The following ZNRF3 variants were observed in gnomAD, a reference collection of about 807,000 sequenced individuals.
The protein encoded by ZNRF3 is zinc and ring finger 3.
Under a neutral mutation model 72.5 loss-of-function variants are expected in ZNRF3, and 23 were observed. That is an observed-to-expected ratio of 0.32 (90% CI 0.23 to 0.45). ZNRF3 has a LOEUF of 0.45. ZNRF3 is among the 20% of genes least tolerant of loss of function. The probability of loss-of-function intolerance (pLI) is 1.00; values close to 1 mark genes in which losing one functional copy is unlikely to be tolerated. For synonymous variants in ZNRF3, 610 were observed against 545.3 expected (o/e 1.12, Z -1.65); for missense variants, 1,169 against 1,272.1 (o/e 0.92, Z 1.23).
At chr22:28,997,902 G>A (rs564506393) in intron 2 of ZNRF3, among the ~76,000 whole-genome samples, 24 of 149,868 alleles carry the variant, frequency 1.6e-4, no homozygotes, top group East Asian at 2.0e-4. Context: ...TACTCAGAAG[G>A]TTAACATGGG....
intron 2 of ZNRF3, among the ~76,000 whole-genome samples, chr22:29,000,777 G>A (rs2036127598): frequency 6.6e-6 from 1 of 152,104 alleles, no homozygotes; most frequent in African/African-American, 2.4e-5. Flanking sequence ...AGGCAAAGGG[G>A]GAGCTGGTGT....
intron 2 of ZNRF3, among the ~76,000 whole-genome samples, chr22:28,994,080 C>G (rs184981685): frequency 4.5e-4 from 69 of 151,808 alleles, no homozygotes; most frequent in Non-Finnish European, 5.3e-4. Context: ...TGATCACATT[C>G]CTGGCACAAC....
chr22:29,043,346 G>A lies in ZNRF3; in HGVS notation c.549G>A (p.Val183=). The change falls in exon 4 of 9, where the codon GTG becomes GTA. Residue 183 remains valine, a synonymous_variant. Transcript: ENST00000544604. ...CGCTCAAGAGGCCGGTGGTGTATGTGAAGGGTGCAGATGCCATTAAGCTGA... is the reference window on the plus strand; with the variant it reads ...CGCTCAAGAGGCCGGTGGTGTATGTAAAGGGTGCAGATGCCATTAAGCTGA... ...EDPLKRPVVY[V]KGADAIKLMN... is the part of the protein sequence containing the mutation. 1 of 1,614,038 alleles carries A rather than the reference G, an allele frequency of 6.2e-7. No individual in the cohort carries two copies. The highest frequency in any genetic ancestry group is 8.5e-7 in the Non-Finnish European group (1 of 1,180,022).
In ZNRF3 at chr22:28,987,211, A is replaced by C; in HGVS notation, c.426+10A>C. On this transcript the variant is annotated intron_variant, in intron 2 of 8. Transcript: ENST00000544604. ...CACTGTCCTAGGCAAGGTAAGCACCAGGCCCTTGGAATCACTGTGTTTCTG... is the reference window on the plus strand; with the variant it reads ...CACTGTCCTAGGCAAGGTAAGCACCCGGCCCTTGGAATCACTGTGTTTCTG... The C allele has an allele frequency of 6.2e-7, 1 of 1,604,696 alleles. No homozygotes were observed. Among genetic ancestry groups the C allele is most frequent in the Non-Finnish European group, 8.5e-7 (1 of 1,177,246 alleles).
At chr22:28,897,636 G>A (rs561880535) in intron 1 of ZNRF3, among the ~76,000 whole-genome samples, 1 of 152,196 alleles carries the variant, frequency 6.6e-6, no homozygotes, top group African/African-American at 2.4e-5. Flanking sequence ...TTTCCTTTTG[G>A]ATTGCCTGCT....
intron 1 of ZNRF3, among the ~76,000 whole-genome samples, chr22:28,981,954 G>A (rs924860315): frequency 3.9e-5 from 6 of 152,068 alleles, no homozygotes; most frequent in Admixed American, 2.0e-4. Context: ...CCGAGATCGC[G>A]CCACTGTGCT....
intron 1 of ZNRF3, among the ~76,000 whole-genome samples, chr22:28,885,511 C>G (rs1214340108): frequency 6.7e-6 from 1 of 149,644 alleles, no homozygotes; most frequent in African/African-American, 2.5e-5. Context: ...TTAAGTCTTG[C>G]TCCTTGGCAA....
intron 1 of ZNRF3, among the ~76,000 whole-genome samples, chr22:28,954,999 A>G (rs1050735767): frequency 5.3e-5 from 8 of 149,872 alleles, no homozygotes; most frequent in Non-Finnish European, 1.2e-4. Flanking sequence ...GGCTGATGGC[A>G]TCACAGGTTT....
intron 2 of ZNRF3, among the ~76,000 whole-genome samples, chr22:28,995,204 C>G (rs909189616): frequency 2.0e-4 from 30 of 152,214 alleles, no homozygotes; most frequent in African/African-American, 7.0e-4. Flanking sequence ...GAGGCTGAGG[C>G]GGGTGGATCA....
chr22:28,958,098 G>A (rs2035292885), intron 1 of ZNRF3, among the ~76,000 whole-genome samples: 1 of 152,208 alleles, frequency 6.6e-6, no homozygotes, highest in African/African-American at 2.4e-5. Flanking sequence ...TGAGGCAGGA[G>A]AATGGCGTGA....
At chr22:29,031,865 C>G (rs181179226) in intron 2 of ZNRF3, among the ~76,000 whole-genome samples, 1 of 152,334 alleles carries the variant, frequency 6.6e-6, no homozygotes, top group Non-Finnish European at 1.5e-5. Context: ...GTTCCTGCCG[C>G]CCTGCATTTC....
intron 1 of ZNRF3, among the ~76,000 whole-genome samples, chr22:28,901,250 G>A (rs1173719095): frequency 1.3e-5 from 2 of 152,074 alleles, no homozygotes; most frequent in African/African-American, 2.4e-5. Flanking sequence ...CTGCTCATCG[G>A]TCATAATGTG....
chr22:28,910,645 C>T (rs1403952519), intron 1 of ZNRF3, among the ~76,000 whole-genome samples: 1 of 152,186 alleles, frequency 6.6e-6, no homozygotes, highest in African/African-American at 2.4e-5. Context: ...TGGCCTCCTC[C>T]TGCATGTCTG....
chr22:28,998,105 C>T (rs2036077051), intron 2 of ZNRF3, among the ~76,000 whole-genome samples: 5 of 151,570 alleles, frequency 3.3e-5, no homozygotes, highest in Admixed American at 2.0e-4. Context: ...TCCGAGACAG[C>T]CTGGCCAACA....
chr22:29,026,637 C>T (rs991574800), intron 2 of ZNRF3: 8 of 152,196 alleles, frequency 5.3e-5, no homozygotes, highest in Non-Finnish European at 8.8e-5. Context: ...GCATGGAGGC[C>T]AAAGGCCTGG....
chr22:28,884,248 C>T (rs1465119172), intron 1 of ZNRF3, among the ~76,000 whole-genome samples, 182 bp downstream of exon 1: 1 of 151,834 alleles, frequency 6.6e-6, no homozygotes, highest in Admixed American at 6.6e-5. Flanking sequence ...CGGGGCGCAT[C>T]CGCGGGGGGC....
chr22:28,916,560 T>C (rs2034410698), intron 1 of ZNRF3, among the ~76,000 whole-genome samples: 1 of 152,178 alleles, frequency 6.6e-6, no homozygotes, highest in African/African-American at 2.4e-5. Flanking sequence ...TCAAAAAAGC[T>C]CATATGTTTT....
At chr22:28,932,839 C>G (rs1398658606) in intron 1 of ZNRF3, among the ~76,000 whole-genome samples, 2 of 152,234 alleles carry the variant, frequency 1.3e-5, no homozygotes, top group South Asian at 2.1e-4. Flanking sequence ...AGAGATTCAT[C>G]AGGAGCTCTG....
chr22:28,962,583 T>C (rs1185335315), intron 1 of ZNRF3, among the ~76,000 whole-genome samples: 1 of 152,236 alleles, frequency 6.6e-6, no homozygotes, highest in Non-Finnish European at 1.5e-5. Context: ...TTATCATTTC[T>C]TCCATAGTTA....
Sources: gnomAD v4.1 joint callset for allele counts (sites outside exome capture counted in the v4.1 genomes callset) on GRCh38, gnomAD v4.1.1 for gene constraint, MANE v1.5 for transcripts, NCBI Gene and HGNC (gene_info 2026-07-23, HGNC 2026-07-21) for gene names.